Variants in TFCP2L1 observed in about 807,000 individuals in gnomAD.
The protein encoded by TFCP2L1 is transcription factor CP2-like protein 1.
A neutral mutation model predicts 72.2 loss-of-function variants in TFCP2L1; 12 were observed. That is an observed-to-expected ratio of 0.17 (90% CI 0.11 to 0.27). TFCP2L1 has a LOEUF of 0.27. Among genes scored for constraint, TFCP2L1 ranks in the 10% least tolerant of loss-of-function variants. The probability of loss-of-function intolerance (pLI) is 1.00; values close to 1 mark genes in which losing one functional copy is unlikely to be tolerated. For missense variants in TFCP2L1, 488 were observed against 624.6 expected, an observed-to-expected ratio of 0.78 and a Z score of 2.33; for synonymous variants, 260 against 251.0, an observed-to-expected ratio of 1.04 and a Z score of -0.34.
intron 1 of TFCP2L1, among the ~76,000 whole-genome samples, 155 bp downstream of exon 1, chr2:121,284,893 A>C (rs1007429431): frequency 6.6e-6 from 1 of 151,978 alleles, no homozygotes; most frequent in Non-Finnish European, 1.5e-5. Flanking sequence ...GTCAGTCCCT[A>C]GGCGGGACGC....
At chr2:121,240,470 A>G (rs975614880) in intron 7 of TFCP2L1, 2 of 985,314 alleles carry the variant, frequency 2.0e-6, no homozygotes, top group Non-Finnish European at 2.4e-6. Flanking sequence ...TAGTGTTGGT[A>G]AATATTTAAG....
intron 2 of TFCP2L1, among the ~76,000 whole-genome samples, chr2:121,258,538 G>A (rs911856881): frequency 3.9e-5 from 6 of 152,242 alleles, no homozygotes; most frequent in African/African-American, 1.4e-4. Context: ...CACCTCCTGC[G>A]TGGACCACTG....
At chr2:121,245,784 T>C (rs1328102377) in intron 6 of TFCP2L1, among the ~76,000 whole-genome samples, 1 of 152,180 alleles carries the variant, frequency 6.6e-6, no homozygotes, top group Non-Finnish European at 1.5e-5. Context: ...CCACCAGGTT[T>C]ATGGTTCTAC....
rs918683127 is a variant in TFCP2L1, at chr2:121,249,568, T to G, written c.291+3A>C. On this transcript the variant is annotated splice_donor_region_variant and intron_variant, in intron 3 of 14. Transcript: ENST00000263707. ...GGCAATGAGAACAGCCTGTGAGGCTTACCTTGACATATTTTGTGTTCAGAT... is the reference window on the plus strand; with the variant it reads ...GGCAATGAGAACAGCCTGTGAGGCTGACCTTGACATATTTTGTGTTCAGAT... 6.2e-7 allele frequency: 1 copy of G among 1,614,080 alleles called. No homozygotes were observed. The highest frequency in any genetic ancestry group is 8.5e-7 in the Non-Finnish European group (1 of 1,180,010).
At chr2:121,277,228 G>A (rs552430554) in intron 2 of TFCP2L1, among the ~76,000 whole-genome samples, 2 of 152,260 alleles carry the variant, frequency 1.3e-5, no homozygotes, top group Admixed American at 1.3e-4. Context: ...GGCCAGGGGT[G>A]GTGGTACACA....
At chr2:121,230,364 G>T (rs1212677239) in intron 13 of TFCP2L1, among the ~76,000 whole-genome samples, 2 of 152,094 alleles carry the variant, frequency 1.3e-5, no homozygotes, top group Admixed American at 6.5e-5. Flanking sequence ...AGAGACAGGG[G>T]TTTCTCCATG....
At chr2:121,275,510 A>G (rs1373469112) in intron 2 of TFCP2L1, among the ~76,000 whole-genome samples, 3 of 151,448 alleles carry the variant, frequency 2.0e-5, no homozygotes, top group Admixed American at 2.0e-4. Flanking sequence ...GCAAGAAACA[A>G]CCACATAAAG....
At chr2:121,253,681 C>A (rs1686655971) in intron 2 of TFCP2L1, among the ~76,000 whole-genome samples, 1 of 152,180 alleles carries the variant, frequency 6.6e-6, no homozygotes, top group Non-Finnish European at 1.5e-5. Context: ...AACTTCCAGG[C>A]CTGAACATAA....
At chr2:121,250,637 C>T (rs1207791888) in intron 2 of TFCP2L1, among the ~76,000 whole-genome samples, 1 of 145,784 alleles carries the variant, frequency 6.9e-6, no homozygotes, top group African/African-American at 2.5e-5. Context: ...GACGGAGTCT[C>T]ACTCTGTTGC....
chr2:121,276,120 G>T (rs576038194), intron 2 of TFCP2L1, among the ~76,000 whole-genome samples: 3 of 152,218 alleles, frequency 2.0e-5, no homozygotes, highest in African/African-American at 7.2e-5. Context: ...AGAACGTGCA[G>T]GTTTGTGACA....
chr2:121,284,637 G>C (rs762709641), intron 1 of TFCP2L1, among the ~76,000 whole-genome samples: 1 of 152,206 alleles, frequency 6.6e-6, no homozygotes, highest in Admixed American at 6.5e-5. Flanking sequence ...CGGGCAAAGA[G>C]CAGGGGACGA....
intron 2 of TFCP2L1, among the ~76,000 whole-genome samples, chr2:121,269,918 AAT>A (rs10531350): frequency 0.53 from 62,274 of 116,512 alleles, 17,636 homozygotes; most frequent in Middle Eastern, 0.7. Flanking sequence ...AAAAAAAAAA[AAT>A]ATATATATAT....
rs185352922 is a variant in TFCP2L1 at position 121,227,913 on chromosome 2, C to T, written c.1342-2300G>A. Reference sequence around the variant, plus strand: ...ATGCGTGAAGTACATTTACTCTATTCTGCTGGCCTGCTCCATCTAGCACTC... The same window carrying T: ...ATGCGTGAAGTACATTTACTCTATTTTGCTGGCCTGCTCCATCTAGCACTC... On this transcript the variant is annotated intron_variant, in intron 13 of 14. Coordinates refer to ENST00000263707, the MANE Select transcript of TFCP2L1 (RefSeq NM_014553.3). 5.4e-4 allele frequency among the ~76,000 whole-genome samples: 83 copies of T among 152,354 alleles called. No homozygotes were observed. In the Middle Eastern group the frequency reaches 0.01, roughly 19 times the overall value.
rs1486588125 is a variant in TFCP2L1 at position 121,219,292 on chromosome 2, G to C, written c.*5049C>G. On this transcript the variant is annotated 3_prime_UTR_variant, in exon 15 of 15. Coordinates refer to ENST00000263707, the MANE Select transcript of TFCP2L1 (RefSeq NM_014553.3). ...GGAACAGCAGTCATCTCCACACCTT[G>C]CCAAGCTGAGGCTGCTTCTGGCTGT... The C allele has an allele frequency of 6.6e-6, 1 of 152,274 alleles. No homozygotes were observed. Among genetic ancestry groups the C allele is most frequent in the African/African-American group, 2.4e-5 (1 of 41,452 alleles). 9.4% of individuals were successfully genotyped at this position (152,274 alleles called of 1,614,324 possible).
At chr2:121,233,027 AGCACACACAGGTG>A (rs879331243) in intron 12 of TFCP2L1, among the ~76,000 whole-genome samples, 1 of 152,204 alleles carries the variant, frequency 6.6e-6, no homozygotes, top group Non-Finnish European at 1.5e-5. Context: ...ATATTTTAAA[AGCACACACAGGTG>A]GGTGTGGCAG....
rs1048208998 is a variant in TFCP2L1, at chr2:121,216,885, C to A, written c.*7456G>T. The A allele has an allele frequency of 6.6e-6, 1 of 152,210 alleles. No homozygotes were observed. The highest frequency in any genetic ancestry group is 2.4e-5 in the African/African-American group (1 of 41,432). The allele number at this position is 152,210 out of a possible 1,614,324, so 9.4% of individuals were successfully genotyped here. On this transcript the variant is annotated 3_prime_UTR_variant, in exon 15 of 15. Coordinates refer to ENST00000263707, the MANE Select transcript of TFCP2L1 (RefSeq NM_014553.3). Reference sequence around the variant, plus strand: ...CTTTAGAAAGAAATCATTTTAAATACATGAACATTAGAGAACACAGTAACC... The same window carrying A: ...CTTTAGAAAGAAATCATTTTAAATAAATGAACATTAGAGAACACAGTAACC...
chr2:121,228,895 GTGTTT>G (rs544360599), intron 13 of TFCP2L1, among the ~76,000 whole-genome samples: 2,992 of 151,692 alleles, frequency 0.02, 115 homozygotes, highest in African/African-American at 0.067. Context: ...GTATGGCTGC[GTGTTT>G]GCTGCATGTT....
intron 2 of TFCP2L1, among the ~76,000 whole-genome samples, chr2:121,259,324 A>T (rs1055717164): frequency 2.0e-5 from 3 of 152,208 alleles, no homozygotes; most frequent in African/African-American, 7.2e-5. Flanking sequence ...CTAACTCTCA[A>T]AATATTCAGC....
intron 2 of TFCP2L1, among the ~76,000 whole-genome samples, chr2:121,276,173 C>T (rs953033651): frequency 6.6e-6 from 1 of 152,064 alleles, no homozygotes; most frequent in Non-Finnish European, 1.5e-5. Flanking sequence ...CCCATCAACC[C>T]GTAACCTACG....
Sources: allele counts gnomAD v4.1 joint callset (sites outside exome capture counted in the v4.1 genomes callset), GRCh38; gene constraint gnomAD v4.1.1; transcripts MANE v1.5; gene names NCBI Gene and HGNC (gene_info 2026-07-23, HGNC 2026-07-21).